The following S100A2 variants were observed in gnomAD, a reference collection of about 807,000 sequenced individuals.
The protein encoded by S100A2 is S100 calcium binding protein A2.
Under a neutral mutation model 4.3 loss-of-function variants are expected in S100A2, and 5 were observed. The ratio of observed to expected loss-of-function variants is 1.16; its 90% CI spans 0.61 to 2.44. The LOEUF (loss-of-function observed/expected upper bound fraction) is 2.44. Ranked by LOEUF, S100A2 falls within the 30% of genes most tolerant of loss-of-function variation. S100A2 has a pLI of 0.01. For missense variants in S100A2, 103 were observed against 114.7 expected (o/e 0.90, Z 0.47); for synonymous variants, 44 against 46.0 (o/e 0.96, Z 0.17).
chr1:153,565,209 G>A (rs1372022691), intron 1 of S100A2, among the ~76,000 whole-genome samples: 1 of 151,616 alleles, frequency 6.6e-6, no homozygotes, highest in African/African-American at 2.4e-5. Context: ...CTACTCGGGA[G>A]GCTGAGGCAG....
intron 2 of S100A2, chr1:153,563,460 T>G (rs1477806456): frequency 6.4e-7 from 1 of 1,550,430 alleles, no homozygotes; most frequent in Non-Finnish European, 8.7e-7. Context: ...TTCTGGGCTC[T>G]GGTTTCTCAA....
At chr1:153,563,138 C>A (rs1665931623) in intron 2 of S100A2, among the ~76,000 whole-genome samples, 3 of 151,798 alleles carry the variant, frequency 2.0e-5, no homozygotes, top group Non-Finnish European at 4.4e-5. Flanking sequence ...CTTTGGGAAG[C>A]CGAGGCAGGT....
intron 1 of S100A2, among the ~76,000 whole-genome samples, chr1:153,564,978 C>A (rs760380535): frequency 2.7e-4 from 41 of 151,844 alleles, no homozygotes; most frequent in Non-Finnish European, 5.0e-4. Flanking sequence ...GGCCTCAGAG[C>A]AACCCCTGCA....
chr1:153,561,612 A>C (rs1399348176), intron 2 of S100A2, 21 bp from the exon 3 acceptor site: 6 of 1,613,660 alleles, frequency 3.7e-6, no homozygotes, highest in Non-Finnish European at 4.2e-6. Flanking sequence ...CAGGAAATAC[A>C]CTCATCACCA....
At chr1:153,562,207 A>C (rs541396140) in intron 2 of S100A2, among the ~76,000 whole-genome samples, 1 of 152,202 alleles carries the variant, frequency 6.6e-6, no homozygotes, top group South Asian at 2.1e-4. Context: ...TCACTTTGTC[A>C]CCCAGGCTGT....
chr1:153,563,802 C>A lies in S100A2; in HGVS notation c.76G>T (p.Asp26Tyr). The A allele has an allele frequency of 6.2e-7, 1 of 1,614,222 alleles. No individual in the cohort carries two copies. Among genetic ancestry groups the A allele is most frequent in the Non-Finnish European group, 8.5e-7 (1 of 1,180,038 alleles). The change falls in exon 2 of 3, where the codon GAC becomes TAC. Residue 26 changes from aspartate to tyrosine, a missense_variant. Physicochemically the swap from Asp to Tyr is radical, Grantham distance 160 (BLOSUM62 -3). Coordinates refer to ENST00000368708, the MANE Select transcript of S100A2 (RefSeq NM_005978.4). Reference sequence around the variant, plus strand: ...TCCCCCTTACTCAGCTTGAACTTGTCGCCCTCTTGGCAGGAGTACTTGTGG... The same window carrying A: ...TCCCCCTTACTCAGCTTGAACTTGTAGCCCTCTTGGCAGGAGTACTTGTGG... ...TFHKYSCQEG[D>Y]KFKLSKGEMK... is the part of the protein sequence containing the mutation.
At chr1:153,563,936 T>C (rs942185283) in intron 1 of S100A2, 49 bp from the exon 2 acceptor site, 1 of 1,569,984 alleles carries the variant, frequency 6.4e-7, no homozygotes, top group African/African-American at 1.4e-5. Flanking sequence ...CTTGGGGCCT[T>C]AGCTCAGCCT....
At chr1:153,562,544 A>G (rs1665915146) in intron 2 of S100A2, among the ~76,000 whole-genome samples, 1 of 152,264 alleles carries the variant, frequency 6.6e-6, no homozygotes, top group Non-Finnish European at 1.5e-5. Flanking sequence ...ATGTGTTCAA[A>G]GCCTGACACC....
In S100A2 at chr1:153,561,597, A is replaced by T; in HGVS notation, c.145-6T>A. On this transcript the variant is annotated splice_polypyrimidine_tract_variant and splice_region_variant and intron_variant, in intron 2 of 2. Coordinates refer to ENST00000368708, the MANE Select transcript of S100A2 (RefSeq NM_005978.4). ...CCCTCCTCATCCACTTTCTCCTGAA[A>T]GTGACAGGAAATACACTCATCACCA... 6.2e-7 allele frequency: 1 copy of T among 1,614,072 alleles called. No individual in the cohort carries two copies. Among genetic ancestry groups the T allele is most frequent in the Non-Finnish European group, 8.5e-7 (1 of 1,180,012 alleles).
chr1:153,564,668 G>T (rs920522025), intron 1 of S100A2, among the ~76,000 whole-genome samples: 2 of 151,974 alleles, frequency 1.3e-5, no homozygotes, highest in Non-Finnish European at 2.9e-5. Context: ...GCCTGGAAAG[G>T]TTAGGCAGGT....
chr1:153,562,172 G>T (rs1665908674), intron 2 of S100A2, among the ~76,000 whole-genome samples: 1 of 152,094 alleles, frequency 6.6e-6, no homozygotes, highest in Non-Finnish European at 1.5e-5. Context: ...TGTTGCCTAG[G>T]CTGGTCTTGG....
In S100A2 at chr1:153,561,509, T is replaced by C. The variant is rs551920623; in HGVS notation, c.227A>G (p.Tyr76Cys). The C allele has an allele frequency of 1.5e-5, 24 of 1,614,132 alleles. 1 individual carries two copies. The South Asian group carries it at 2.4e-4, about 16-fold the overall frequency. ...AGTGATGAGTGCCAGGAAAACAGCA[T>C]ACTCCTGGAAGTCCACCTGCTGGTC... ...NSDQQVDFQE[Y>C]AVFLALITVM... The change falls in exon 3 of 3, where the codon TAT becomes TGT. Residue 76 changes from tyrosine (Y) to cysteine (C), a missense_variant. Physicochemically the swap from Tyr to Cys is radical, Grantham distance 194 (BLOSUM62 -2). Transcript: ENST00000368708.
intron 2 of S100A2, chr1:153,563,525 T>G: frequency 6.4e-7 from 1 of 1,550,764 alleles, no homozygotes; most frequent in Non-Finnish European, 8.7e-7. Flanking sequence ...CAGCACATGG[T>G]TCTCTGGAAT....
At chr1:153,562,440 C>G (rs1053278475) in intron 2 of S100A2, among the ~76,000 whole-genome samples, 1 of 152,150 alleles carries the variant, frequency 6.6e-6, no homozygotes, top group Non-Finnish European at 1.5e-5. Context: ...CTGCACCCAG[C>G]TGAAAAACAC....
rs761460462 is a variant in S100A2 at position 153,563,764 on chromosome 1, A to C, written c.114T>G (p.Leu38=). 3.1e-6 allele frequency: 5 copies of C among 1,614,108 alleles called. No homozygotes were observed. The East Asian group carries it at 1.1e-4, about 36-fold the overall frequency. ...FKLSKGEMKE[L]LHKELPSFVG... ...CAAAGCTGGGCAGCTCCTTGTGCAG[A>C]AGTTCCTTCATTTCCCCCTTACTCA... The change falls in exon 2 of 3, where the codon CTT becomes CTG. Residue 38 remains leucine, a synonymous_variant. Transcript: ENST00000368708.
chr1:153,562,403 C>T (rs998107510), intron 2 of S100A2, among the ~76,000 whole-genome samples: 2 of 152,140 alleles, frequency 1.3e-5, no homozygotes, highest in African/African-American at 4.8e-5. Flanking sequence ...TAGCCTCCCA[C>T]ACTGTGGGGA....
chr1:153,563,546 A>G (rs201588875), intron 2 of S100A2, 188 bp downstream of exon 2: 1 of 1,551,254 alleles, frequency 6.4e-7, no homozygotes, highest in Non-Finnish European at 8.7e-7. Flanking sequence ...GCTGCAGGAA[A>G]CAGCCATTAA....
chr1:153,562,844 C>T (rs144026603), intron 2 of S100A2, among the ~76,000 whole-genome samples: 67 of 151,728 alleles, frequency 4.4e-4, no homozygotes, highest in African/African-American at 1.5e-3. Context: ...AAAAATTGGC[C>T]AGGCATGGTG....
Position 153,561,422 on chromosome 1 carries a change from A to G in S100A2, c.*17T>C, listed in dbSNP as rs8401. ...CTGGGCCCAAGAGATCCATGGCAGG[A>G]AGTCAAGAGTTCTGCTTCAGGGTCG... is the stretch of plus-strand genomic sequence containing the variant. On this transcript the variant is annotated 3_prime_UTR_variant, in exon 3 of 3. Transcript: ENST00000368708. The G allele has an allele frequency of 0.072, 115,227 of 1,605,790 alleles. 12,514 individuals are homozygous for G. Among genetic ancestry groups the G allele is most frequent in the African/African-American group, 0.52 (38,842 of 74,732 alleles).
Sources: allele counts gnomAD v4.1 joint callset (sites outside exome capture counted in the v4.1 genomes callset), GRCh38; gene constraint gnomAD v4.1.1; transcripts MANE v1.5; gene names NCBI Gene and HGNC (gene_info 2026-07-23, HGNC 2026-07-21).